Variants in AGK observed in about 807,000 individuals in gnomAD.
The protein encoded by AGK is acylglycerol kinase, mitochondrial.
AGK carries 52 observed loss-of-function variants against 66.4 expected under a neutral mutation model. That is an observed-to-expected ratio of 0.78 (90% CI 0.63 to 0.99). The LOEUF is 0.99. AGK is among the 50% of genes least tolerant of loss of function. The pLI is 0.00. For missense variants in AGK, 451 were observed against 506.6 expected (o/e 0.89, Z 1.05); for synonymous variants, 182 against 181.1 (o/e 1.00, Z -0.04).
chr7:141,641,366 G>A lies in AGK; in HGVS notation c.845G>A (p.Arg282Lys). The A allele has an allele frequency of 7.4e-6, 12 of 1,613,258 alleles. No individual in the cohort carries two copies. Among genetic ancestry groups the A allele is most frequent in the Non-Finnish European group, 1.0e-5 (12 of 1,179,718 alleles). Reference protein sequence around the residue: ...RPSLYRRILRRLASYWAQPQD... With the variant: ...RPSLYRRILRKLASYWAQPQD... ...TCTTTGTACAGGAGAATATTACGAA[G>A]GCTTGCGTCCTACTGGGCACAACCA... The change falls in exon 12 of 16, where the codon AGG (arginine) becomes AAG (lysine). Residue 282 changes from arginine (R) to lysine (K), a missense_variant. Physicochemically the swap from Arg to Lys is conservative, Grantham distance 26 (BLOSUM62 2). Coordinates refer to ENST00000649286, the MANE Select transcript of AGK (RefSeq NM_018238.4).
At chr7:141,592,864 C>T (rs1476960185) in intron 2 of AGK, among the ~76,000 whole-genome samples, 3 of 151,872 alleles carry the variant, frequency 2.0e-5, no homozygotes, top group East Asian at 1.9e-4. Context: ...CCACCATGCC[C>T]GGCTAATTTT....
chr7:141,611,547 GA>G (rs1441221666), intron 6 of AGK, among the ~76,000 whole-genome samples: 3 of 152,006 alleles, frequency 2.0e-5, no homozygotes. Flanking sequence ...TATAACAGAA[GA>G]AAAAATGATG....
intron 5 of AGK, among the ~76,000 whole-genome samples, chr7:141,606,019 T>A (rs1796453782): frequency 6.6e-6 from 1 of 152,224 alleles, no homozygotes; most frequent in Admixed American, 6.5e-5. Context: ...ATGTAAGTCG[T>A]ACCCAGGTCA....
chr7:141,564,464 G>A (rs1795422666), intron 2 of AGK, among the ~76,000 whole-genome samples: 1 of 148,162 alleles, frequency 6.7e-6, no homozygotes, highest in Non-Finnish European at 1.5e-5. Flanking sequence ...ATCAGATCTT[G>A]TGAGAACTCA....
Position 141,594,066 on chromosome 7 carries a change from G to T in AGK, c.141+881G>T, listed in dbSNP as rs1352333458. 6 of 152,120 alleles carry T rather than the reference G, an allele frequency of 3.9e-5. No individual in the cohort carries two copies. In the South Asian group the frequency reaches 8.3e-4, roughly 21 times the overall value. 9.4% of individuals were successfully genotyped at this position (152,120 alleles called of 1,614,324 possible). On this transcript the variant is annotated intron_variant, in intron 3 of 15. Transcript: ENST00000649286. ...ATATACTATAATTCCTCTTTTTAGC[G>T]ATTGTTATCTAGCTGTTCTAAACCT...
chr7:141,614,194 T>G lies in AGK; in HGVS notation c.423+16T>G. 3 of 1,490,682 alleles carry G rather than the reference T, an allele frequency of 2.0e-6. No homozygotes were observed. The highest frequency in any genetic ancestry group is 2.7e-6 in the Non-Finnish European group (3 of 1,105,570). 92.3% of individuals were successfully genotyped at this position (1,490,682 alleles called of 1,614,324 possible). On this transcript the variant is annotated intron_variant, in intron 7 of 15. Coordinates refer to ENST00000649286, the MANE Select transcript of AGK (RefSeq NM_018238.4). ...AACAGATGAGGTGAGCATTAAAGAGTAATTGCATTTTAACTTTTATTTTTC... is the reference window on the plus strand; with the variant it reads ...AACAGATGAGGTGAGCATTAAAGAGGAATTGCATTTTAACTTTTATTTTTC...
At chr7:141,554,482 T>G (rs758317328) in intron 1 of AGK, among the ~76,000 whole-genome samples, 2 of 152,122 alleles carry the variant, frequency 1.3e-5, no homozygotes, top group Non-Finnish European at 2.9e-5. Flanking sequence ...ATGTTTTGGG[T>G]TTTTTCCCCC....
chr7:141,634,087 G>T, intron 10 of AGK, 107 bp downstream of exon 10: 2 of 962,930 alleles, frequency 2.1e-6, no homozygotes, highest in Non-Finnish European at 3.3e-6. Context: ...AATTTGGTGG[G>T]CCTGGAGGTT....
chr7:141,555,558 G>A lies in AGK; in HGVS notation c.92G>A (p.Gly31Glu). The change falls in exon 2 of 16, where the codon GGA becomes GAA. Residue 31 changes from glycine to glutamate, a missense_variant. Coordinates refer to ENST00000649286, the MANE Select transcript of AGK (RefSeq NM_018238.4). The surrounding 1 kb of genome is among the most constrained non-coding windows in gnomAD (Gnocchi z 4.2). ...LLTWGGHWLYGKHCDNLLRRA... is the reference protein window; with the variant it reads ...LLTWGGHWLYEKHCDNLLRRA... ...ACCTGGGGAGGCCATTGGCTCTATG[G>A]AAAACACTGGTAACTATCTGACAGC... The A allele has an allele frequency of 6.2e-7, 1 of 1,612,838 alleles. No homozygotes were observed. Among genetic ancestry groups the A allele is most frequent in the Non-Finnish European group, 8.5e-7 (1 of 1,179,250 alleles).
At chr7:141,560,401 TC>T (rs1795313901) in intron 2 of AGK, among the ~76,000 whole-genome samples, 1 of 151,936 alleles carries the variant, frequency 6.6e-6, no homozygotes, top group African/African-American at 2.4e-5. Context: ...CCTTGTCCTT[TC>T]TTTCTTCTTC....
chr7:141,649,387 C>A, intron 14 of AGK, 54 bp downstream of exon 14: 1 of 1,336,760 alleles, frequency 7.5e-7, no homozygotes, highest in South Asian at 1.2e-5. Context: ...TCAGATTTTA[C>A]TATTCAGAGT....
intron 2 of AGK, among the ~76,000 whole-genome samples, chr7:141,573,888 C>T (rs1332600004): frequency 1.3e-5 from 2 of 152,078 alleles, no homozygotes; most frequent in African/African-American, 4.8e-5. Flanking sequence ...AGGTTAGTTA[C>T]ATATGTATAC....
In AGK at chr7:141,555,942, C is replaced by T. The variant is rs1027688357; in HGVS notation, c.101+375C>T. 2.6e-5 allele frequency among the ~76,000 whole-genome samples: 4 copies of T among 152,314 alleles called. No homozygotes were observed. The highest frequency in any genetic ancestry group is 3.4e-3 in the Middle Eastern group (1 of 294). The stretch of plus-strand genomic sequence containing the variant: ...AAGTTTATTTTGCCAAAGTTAAGGA[C>T]GTGCGCCTGCGACACAGCCTCAGGA... On this transcript the variant is annotated intron_variant, in intron 2 of 15. Transcript: ENST00000649286. The surrounding 1 kb of genome is among the most constrained non-coding windows in gnomAD (Gnocchi z 4.2).
At chr7:141,566,911 TCCTCAGAAGTGTA>T (rs1795483502) in intron 2 of AGK, among the ~76,000 whole-genome samples, 1 of 152,198 alleles carries the variant, frequency 6.6e-6, no homozygotes, top group African/African-American at 2.4e-5. Flanking sequence ...ATTGACACCG[TCCTCAGAAGTGTA>T]CCTCACACTT....
chr7:141,611,366 A>T, intron 6 of AGK, 79 bp downstream of exon 6: 1 of 933,066 alleles, frequency 1.1e-6, no homozygotes, highest in East Asian at 2.9e-5. Context: ...GGTATGTTGT[A>T]ATTTAAAGAA....
chr7:141,614,380 T>G (rs1239671918), intron 7 of AGK, among the ~76,000 whole-genome samples: 33 of 152,136 alleles, frequency 2.2e-4, no homozygotes, highest in Admixed American at 2.2e-3. Flanking sequence ...GTTTGGTAAT[T>G]GATGGTATCC....
At chr7:141,588,350 A>C (rs1562965919) in intron 2 of AGK, among the ~76,000 whole-genome samples, 1 of 152,176 alleles carries the variant, frequency 6.6e-6, no homozygotes, top group Admixed American at 6.5e-5. Context: ...ATAGTAGGCC[A>C]GGCACAGTGG....
intron 2 of AGK, among the ~76,000 whole-genome samples, chr7:141,590,276 A>G (rs2116916146): frequency 6.6e-6 from 1 of 152,216 alleles, no homozygotes; most frequent in East Asian, 1.9e-4. Context: ...CCTTTTGGAG[A>G]CCTGTCCTTC....
chr7:141,631,015 G>A (rs764998614), intron 9 of AGK, among the ~76,000 whole-genome samples: 61 of 152,184 alleles, frequency 4.0e-4, no homozygotes, highest in Non-Finnish European at 7.5e-4. Context: ...GAGTGGATGA[G>A]TGAAAACATA....
Sources: gnomAD v4.1 joint callset for allele counts (sites outside exome capture counted in the v4.1 genomes callset) on GRCh38, gnomAD v4.1.1 for gene constraint, Gnocchi (gnomAD v3.1) non-coding constraint, MANE v1.5 for transcripts, NCBI Gene and HGNC (gene_info 2026-07-23, HGNC 2026-07-21) for gene names.